TPO: variants seen among roughly 807,000 people sequenced by gnomAD.
TPO encodes the protein thyroid microsomal antigen.
A neutral mutation model predicts 96.9 loss-of-function variants in TPO; 78 were observed. The observed-to-expected ratio is 0.81, with a 90% confidence interval of 0.67 to 0.97. TPO has a LOEUF of 0.97. TPO is among the 50% of genes least tolerant of loss of function. The pLI is 0.00. For synonymous variants in TPO, 547 were observed against 538.0 expected (o/e 1.02, Z -0.23); for missense variants, 1,252 against 1,274.8 (o/e 0.98, Z 0.27).
chr2:1,413,283 C>T (rs571433515), upstream of TPO, among the ~76,000 whole-genome samples: 15 of 152,298 alleles, frequency 9.8e-5, no homozygotes, highest in Admixed American at 2.0e-4. Context: ...TGCATGTGGA[C>T]CCCGATGACA....
chr2:1,501,027 G>A (rs1463476393), intron 13 of TPO, among the ~76,000 whole-genome samples: 1 of 151,648 alleles, frequency 6.6e-6, no homozygotes, highest in Non-Finnish European at 1.5e-5. Context: ...CTGAGTGCCT[G>A]GATGCTGCAA....
chr2:1,383,683 T>C (rs558027362), intron 1 of TPO, among the ~76,000 whole-genome samples: 1 of 152,342 alleles, frequency 6.6e-6, no homozygotes, highest in East Asian at 1.9e-4. Context: ...GCCTGTTCAC[T>C]CTGATGGTAG....
chr2:1,507,675 GCT>G (rs1357857005), intron 14 of TPO, among the ~76,000 whole-genome samples: 1 of 151,344 alleles, frequency 6.6e-6, no homozygotes. Flanking sequence ...TCATGATTTG[GCT>G]CTCTGTTTGT....
intron 1 of TPO, among the ~76,000 whole-genome samples, chr2:1,407,341 T>A (rs1234696940): frequency 2.0e-5 from 3 of 152,166 alleles, no homozygotes; most frequent in Non-Finnish European, 2.9e-5. Flanking sequence ...AATATTCTAC[T>A]GGAACATTGA....
In TPO at chr2:1,428,465, C is replaced by T. The variant is rs143943206; in HGVS notation, c.180-4973C>T. On this transcript the variant is annotated intron_variant, in intron 3 of 16. Coordinates refer to ENST00000329066, the MANE Select transcript of TPO (RefSeq NM_001206744.2). ...GGACAGGAAGGGCTGGCATGGGCAG[C>T]ATGGCCTGGGGACCTATCCGGGGGA... Among the ~76,000 whole-genome samples, 157 of 152,312 alleles carry T rather than the reference C, an allele frequency of 1.0e-3. 1 individual carries two copies. The highest frequency in any genetic ancestry group is 3.7e-3 in the African/African-American group (155 of 41,568).
chr2:1,446,173 C>A (rs1305590787), intron 5 of TPO, among the ~76,000 whole-genome samples: 1 of 152,108 alleles, frequency 6.6e-6, no homozygotes, highest in Admixed American at 6.6e-5. Flanking sequence ...GCCTTCTGGC[C>A]CCTCCTAGGT....
intron 15 of TPO, among the ~76,000 whole-genome samples, chr2:1,517,852 G>T (rs766071358): frequency 1.3e-5 from 2 of 152,176 alleles, no homozygotes; most frequent in Non-Finnish European, 2.9e-5. Flanking sequence ...GTCATTGCAG[G>T]CCCAGGCTGG....
At chr2:1,525,846 A>G (rs1296649623) in intron 15 of TPO, among the ~76,000 whole-genome samples, 1 of 134,556 alleles carries the variant, frequency 7.4e-6, no homozygotes, top group African/African-American at 2.8e-5. Context: ...ACTCTGTGCA[A>G]CCTCCCAAAA....
At chr2:1,415,433 C>A (rs1313676146) in intron 2 of TPO, among the ~76,000 whole-genome samples, 2 of 141,756 alleles carry the variant, frequency 1.4e-5, no homozygotes, top group Non-Finnish European at 3.1e-5. Flanking sequence ...CGGGCAGGTC[C>A]CTGGGCCTCT....
intron 2 of TPO, among the ~76,000 whole-genome samples, chr2:1,422,370 C>CTGA (rs1482267913): frequency 9.0e-4 from 136 of 150,548 alleles, no homozygotes; most frequent in African/African-American, 2.8e-3. Flanking sequence ...CCGCGCTGGA[C>CTGA]CGACCTCGTG....
At chr2:1,462,396 G>C (rs1177382038) in intron 7 of TPO, among the ~76,000 whole-genome samples, 1 of 152,054 alleles carries the variant, frequency 6.6e-6, no homozygotes. Flanking sequence ...ACAAGGAATT[G>C]TTATCTTCAT....
At chr2:1,375,542 A>G (rs1396987248) in intron 1 of TPO, among the ~76,000 whole-genome samples, 1 of 151,980 alleles carries the variant, frequency 6.6e-6, no homozygotes, top group African/African-American at 2.4e-5. Context: ...TGTGGCCGCA[A>G]TCTCGTGGGC....
chr2:1,485,084 A>G (rs1671021641), intron 9 of TPO, among the ~76,000 whole-genome samples: 1 of 150,224 alleles, frequency 6.7e-6, no homozygotes, highest in Admixed American at 6.7e-5. Context: ...CAGACGGGAT[A>G]TGATGATCCC....
chr2:1,474,545 G>A (rs562123386), intron 7 of TPO, among the ~76,000 whole-genome samples: 1 of 152,282 alleles, frequency 6.6e-6, no homozygotes, highest in African/African-American at 2.4e-5. Context: ...AGATTTGATA[G>A]AAGTCCACCG....
chr2:1,496,988 G>A (rs1301970812), intron 13 of TPO, among the ~76,000 whole-genome samples: 1 of 152,174 alleles, frequency 6.6e-6, no homozygotes, highest in African/African-American at 2.4e-5. Flanking sequence ...ACGTGGAATC[G>A]TGACCAATGG....
chr2:1,476,927 G>C (rs956161677), intron 7 of TPO, among the ~76,000 whole-genome samples, 159 bp from the exon 8 acceptor site: 18 of 152,140 alleles, frequency 1.2e-4, no homozygotes, highest in East Asian at 1.9e-4. Flanking sequence ...AGCAGGCCGG[G>C]GGGGGAGGTG....
In TPO at chr2:1,487,824, G is replaced by A; in HGVS notation, c.1601G>A (p.Gly534Asp). ...FSPWTLLRGG[G>D]LDPLIRGLLA... ...CCTTGTGCATGGTATTTTCCAGGTG[G>A]TTTGGACCCACTAATACGAGGCCTT... is the stretch of plus-strand genomic sequence containing the variant. Residue 534 changes from glycine (G) to aspartate (D), a missense_variant, in exon 10 of 17, where the codon GGT becomes GAT. Gly to Asp is a moderately conservative substitution (Grantham distance 94). Coordinates refer to ENST00000329066, the MANE Select transcript of TPO (RefSeq NM_001206744.2). 6.8e-6 allele frequency: 11 copies of A among 1,614,214 alleles called. No individual in the cohort carries two copies. Among genetic ancestry groups the A allele is most frequent in the Non-Finnish European group, 8.5e-6 (10 of 1,180,046 alleles).
chr2:1,541,658 T>TAAATGTTCTAA (rs927123453), intron 16 of TPO: 2 of 152,330 alleles, frequency 1.3e-5, no homozygotes, highest in African/African-American at 4.8e-5. Flanking sequence ...TAATAGATTT[T>TAAATGTTCTAA]AAATGTTCTA....
intron 14 of TPO, chr2:1,512,313 A>G: frequency 1.3e-6 from 1 of 771,978 alleles, no homozygotes; most frequent in Non-Finnish European, 1.6e-6. Context: ...GTGTCTCTAG[A>G]GTTGAGACGT....
Sources: allele counts gnomAD v4.1 joint callset (sites outside exome capture counted in the v4.1 genomes callset), GRCh38; gene constraint gnomAD v4.1.1; transcripts MANE v1.5; gene names NCBI Gene and HGNC (gene_info 2026-07-23, HGNC 2026-07-21).